Variants in CHTF18 observed in about 807,000 individuals in gnomAD.
CHTF18 encodes the protein chromosome transmission fidelity factor 18, also known as chromosome transmission fidelity protein 18 homolog.
CHTF18 carries 151 observed loss-of-function variants against 113.4 expected under a neutral mutation model. The observed-to-expected ratio is 1.33, with a 90% CI of 1.17 to 1.52. The LOEUF is 1.52. CHTF18 is among the 40% of genes most tolerant of loss of function. CHTF18 has a pLI of 0.00. For missense variants in CHTF18, 1,982 were observed against 1,381.6 expected (o/e 1.43, Z -6.89); for synonymous variants, 916 against 598.8 (o/e 1.53, Z -7.74).
At chr16:790,065 C>A in intron 4 of CHTF18, 112 bp from the exon 5 acceptor site, 1 of 1,537,186 alleles carries the variant, frequency 6.5e-7, no homozygotes, top group Non-Finnish European at 8.7e-7. Context: ...CCACCCCTCA[C>A]TGGCCAGCTT....
chr16:791,572 G>C (rs369761249), intron 8 of CHTF18: 5 of 1,433,648 alleles, frequency 3.5e-6, no homozygotes, highest in South Asian at 3.0e-5. Flanking sequence ...AGGGCTCTGC[G>C]GCTGGCCAGG....
chr16:792,387 GGCAGGCGGGCA>G (rs1460716074), intron 10 of CHTF18, 40 bp downstream of exon 10: 2 of 1,560,854 alleles, frequency 1.3e-6, no homozygotes, highest in African/African-American at 2.7e-5. Flanking sequence ...TGGGCGGGCA[GGCAGGCGGGCA>G]GCAGGGCCTG....
At position 792,497 on chromosome 16, in the gene CHTF18, C is replaced by T; in HGVS notation, c.1385C>T (p.Pro462Leu). 1 of 1,595,380 alleles carries T rather than the reference C, an allele frequency of 6.3e-7. No individual in the cohort carries two copies. The highest frequency in any genetic ancestry group is 8.5e-7 in the Non-Finnish European group (1 of 1,171,980). The part of the protein sequence containing the change: ...LNRKGPQEVG[P>L]QGPAVPSGGG... ...CGCAAGGGGCCACAGGAGGTGGGGC[C>T]ACAGGGCCCGGCTGTGCCTTCGGGA... The change falls in exon 11 of 22, where the codon CCA becomes CTA. Residue 462 changes from proline (P) to leucine (L), a missense_variant. Physicochemically the swap from Pro to Leu is moderately conservative, Grantham distance 98. Transcript: ENST00000262315.
At position 788,686 on chromosome 16, in the gene CHTF18, TGGA is replaced by T; in HGVS notation, c.6_8del (p.Glu2?). ...CGGGAGCTCGGGCTCGCGGACGGTATGGAGGACTACGAGCAGGAGCTGTGCGGC... is the reference window on the plus strand; with the variant it reads ...CGGGAGCTCGGGCTCGCGGACGGTATGGACTACGAGCAGGAGCTGTGCGGC... On this transcript the variant is annotated start_lost and inframe_deletion, in exon 1 of 22. Coordinates refer to ENST00000262315, the MANE Select transcript of CHTF18 (RefSeq NM_022092.3). 1 of 1,589,328 alleles carries T rather than the reference TGGA, an allele frequency of 6.3e-7. No individual in the cohort carries two copies. Among genetic ancestry groups the T allele is most frequent in the Non-Finnish European group, 8.5e-7 (1 of 1,170,236 alleles).
At chr16:795,058 G>A (rs543691917) in intron 15 of CHTF18, 74 bp from the exon 16 acceptor site, 33 of 1,203,942 alleles carry the variant, frequency 2.7e-5, no homozygotes, top group East Asian at 5.1e-5. Flanking sequence ...GGTCTGTGGC[G>A]GGAGGTGGAG....
intron 3 of CHTF18, 70 bp from the exon 4 acceptor site, chr16:789,477 T>C: frequency 6.5e-7 from 1 of 1,542,136 alleles, no homozygotes; most frequent in South Asian, 1.2e-5. Context: ...CTGAGAGCAG[T>C]CTCGGACACC....
Position 798,056 on chromosome 16 carries a change from A to C in CHTF18, c.*81A>C, listed in dbSNP as rs544143627. 5.9e-6 allele frequency: 9 copies of C among 1,513,796 alleles called. No homozygotes were observed. The African/African-American group carries it at 1.2e-4, about 21-fold the overall frequency. 93.8% of individuals were successfully genotyped at this position (1,513,796 alleles called of 1,614,324 possible). A position where few individuals can be genotyped will look rare whatever the true frequency, so the allele number is the denominator to read the frequency against. ...AAGCTGGAGATGTCTTTATAAAGTC[A>C]CACCTTTACAGACTGTAATCACGTG... On this transcript the variant is annotated 3_prime_UTR_variant, in exon 22 of 22. Transcript: ENST00000262315.
chr16:796,632 G>A (rs2042355549), intron 18 of CHTF18, 85 bp from the exon 19 acceptor site: 6 of 1,421,316 alleles, frequency 4.2e-6, no homozygotes, highest in Non-Finnish European at 4.6e-6. Context: ...GTGGCTTTTG[G>A]GGTTTGCGGT....
Position 789,369 on chromosome 16 carries a change from C to A in CHTF18, c.437+9C>A. ...GAGCTTTGGGGCCACGGGTGTGTGG[C>A]TTGGACATGGGCGTCCCATCCCATC... On this transcript the variant is annotated intron_variant, in intron 3 of 21. Coordinates refer to ENST00000262315, the MANE Select transcript of CHTF18 (RefSeq NM_022092.3). The A allele has an allele frequency of 6.3e-7, 1 of 1,576,022 alleles. No individual in the cohort carries two copies. Among genetic ancestry groups the A allele is most frequent in the Non-Finnish European group, 8.6e-7 (1 of 1,162,620 alleles).
rs775455253 is a variant in CHTF18, at chr16:789,301, G to A, written c.378G>A (p.Ser126=). The A allele has an allele frequency of 1.3e-6, 2 of 1,595,462 alleles. No individual in the cohort carries two copies. Among genetic ancestry groups the A allele is most frequent in the South Asian group, 1.1e-5 (1 of 88,336 alleles). ...EMEEPPPPDS[S]PTDITPPPSP... is the part of the protein sequence containing the mutation. ...AGGAGCCGCCCCCTCCCGACTCCTC[G>A]CCGACGGACATCACCCCGCCGCCGA... Residue 126 remains serine (S), a synonymous_variant, in exon 3 of 22, where the codon TCG becomes TCA. Coordinates refer to ENST00000262315, the MANE Select transcript of CHTF18 (RefSeq NM_022092.3).
intron 21 of CHTF18, 35 bp downstream of exon 21, chr16:797,786 C>T (rs758188857): frequency 2.9e-5 from 28 of 964,252 alleles, no homozygotes; most frequent in Non-Finnish European, 1.0e-5. Flanking sequence ...TGTGGGGGGC[C>T]TGGGGGTTGT....
rs2042314658 is a variant in CHTF18, at chr16:795,477, C to T, written c.2175+121C>T. 21 of 436,166 alleles carry T rather than the reference C, an allele frequency of 4.8e-5. 3 individuals are homozygous for T. The highest frequency in any genetic ancestry group is 8.7e-5 in the East Asian group (2 of 23,052). 27.0% of individuals were successfully genotyped at this position (436,166 alleles called of 1,614,324 possible). ...AACACACTGCCCGTGTGGCTGCCCC[C>T]GGCCCCGTGCCCGCCCCCCCAAACA... On this transcript the variant is annotated intron_variant, in intron 16 of 21. Transcript: ENST00000262315.
chr16:796,296 C>G (rs1014540479), intron 18 of CHTF18, among the ~76,000 whole-genome samples: 3 of 152,242 alleles, frequency 2.0e-5, no homozygotes, highest in African/African-American at 7.2e-5. Context: ...AGAGCTGCTC[C>G]CAGCCTTAGC....
chr16:789,932 G>A (rs975950717), intron 4 of CHTF18: 8 of 1,495,524 alleles, frequency 5.3e-6, no homozygotes, highest in Admixed American at 2.0e-5. Context: ...CGGGTGGAGA[G>A]GGCCTCCTTG....
chr16:789,024 C>T lies in CHTF18; in HGVS notation c.185C>T (p.Ala62Val), dbSNP rs754622126. The T allele has an allele frequency of 9.8e-6, 15 of 1,534,438 alleles. No individual in the cohort carries two copies. In the East Asian group the frequency reaches 1.2e-4, roughly 13 times the overall value. The part of the protein sequence containing the change: ...FEEALARGDA[A>V]SSPAPAASVG... ...GAGGCCCTTGCCAGAGGGGACGCGG[C>T]CTCCAGTCCCGCCCCAGCCGCATCT... Residue 62 changes from alanine to valine, a missense_variant, in exon 2 of 22, where the codon GCC becomes GTC. Ala to Val is a moderately conservative substitution (Grantham distance 64). Coordinates refer to ENST00000262315, the MANE Select transcript of CHTF18 (RefSeq NM_022092.3).
In CHTF18 at chr16:790,752, A is replaced by G. The variant is rs530984086; in HGVS notation, c.894+86A>G. 26 of 1,450,158 alleles carry G rather than the reference A, an allele frequency of 1.8e-5. No homozygotes were observed. The African/African-American group carries it at 3.4e-4, about 19-fold the overall frequency. 89.8% of individuals were successfully genotyped at this position (1,450,158 alleles called of 1,614,324 possible). ...TGGGCCCAGTGATTTTTGCACAGCC[A>G]ATCCACTGGGCCTCGGAGACGGAGT... On this transcript the variant is annotated intron_variant, in intron 7 of 21. Coordinates refer to ENST00000262315, the MANE Select transcript of CHTF18 (RefSeq NM_022092.3).
intron 19 of CHTF18, 33 bp from the exon 20 acceptor site, chr16:796,928 G>A (rs1283041676): frequency 6.5e-7 from 1 of 1,534,660 alleles, no homozygotes; most frequent in Non-Finnish European, 8.8e-7. Context: ...GTATCCCTGT[G>A]TGGCCAGATC....
At position 789,732 on chromosome 16, in the gene CHTF18, T is replaced by C. The variant is rs1323322601; in HGVS notation, c.606+17T>C. 1 of 1,566,670 alleles carries C rather than the reference T, an allele frequency of 6.4e-7. No homozygotes were observed. Among genetic ancestry groups the C allele is most frequent in the Admixed American group, 1.8e-5 (1 of 56,820 alleles). On this transcript the variant is annotated intron_variant, in intron 4 of 21. Transcript: ENST00000262315. Reference sequence around the variant, plus strand: ...GGGGTGCAGGTGCGTGGCTGTGGCCTTCCTGCACGGTGGGTGGGCCAGTGC... The same window carrying C: ...GGGGTGCAGGTGCGTGGCTGTGGCCCTCCTGCACGGTGGGTGGGCCAGTGC...
rs1249965661 is a variant in CHTF18, at chr16:797,885, A to C, written c.2838A>C (p.Thr946=). 1.2e-6 allele frequency: 2 copies of C among 1,610,630 alleles called. No homozygotes were observed. Among genetic ancestry groups the C allele is most frequent in the African/African-American group, 2.7e-5 (2 of 74,896 alleles). The change falls in exon 22 of 22, where the codon ACA becomes ACC. Residue 946 remains threonine (T), a synonymous_variant. Transcript: ENST00000262315. ...ACTCAGTGGAGCGGCGCATGGGCAC[A>C]GCGGTGGGCAGGAGCGAGGTCTGGT... ...EQDSVERRMG[T]AVGRSEVWFR... is the part of the protein sequence containing the mutation.
Sources: gnomAD v4.1 joint callset for allele counts (sites outside exome capture counted in the v4.1 genomes callset) on GRCh38, gnomAD v4.1.1 for gene constraint, MANE v1.5 for transcripts, NCBI Gene and HGNC (gene_info 2026-07-23, HGNC 2026-07-21) for gene names.